GNA12: variants seen among roughly 807,000 people sequenced by gnomAD.
GNA12 encodes guanine nucleotide-binding protein subunit alpha-12.
GNA12 carries 9 observed loss-of-function variants against 26.0 expected under a neutral mutation model. That is an observed-to-expected ratio of 0.35 (90% CI 0.21 to 0.60). The LOEUF (loss-of-function observed/expected upper bound fraction) is 0.60, where lower values mean the gene tolerates loss of function less well. Among genes scored for constraint, GNA12 ranks in the 20% least tolerant of loss-of-function variants. The pLI, the probability that GNA12 is intolerant of heterozygous loss-of-function variation, is 0.78. For synonymous variants in GNA12, 264 were observed against 219.6 expected (o/e 1.20, Z -1.79); for missense variants, 405 against 525.8 (o/e 0.77, Z 2.25).
At chr7:2,758,672 C>G (rs1791414670) in intron 2 of GNA12, among the ~76,000 whole-genome samples, 1 of 152,144 alleles carries the variant, frequency 6.6e-6, no homozygotes, top group Non-Finnish European at 1.5e-5. Context: ...TGGAGGAACC[C>G]CTGTGCTAGA....
chr7:2,823,029 G>T (rs1265495494), intron 1 of GNA12, among the ~76,000 whole-genome samples: 1 of 152,138 alleles, frequency 6.6e-6, no homozygotes, highest in African/African-American at 2.4e-5. Context: ...GTCTTTCAGG[G>T]ACATTACAGT....
chr7:2,825,658 T>G (rs1446340127), intron 1 of GNA12, among the ~76,000 whole-genome samples: 1 of 152,136 alleles, frequency 6.6e-6, no homozygotes, highest in Non-Finnish European at 1.5e-5. Context: ...CCGCTATAGT[T>G]TTGTAAACAG....
chr7:2,750,444 G>T lies in GNA12; in HGVS notation c.526-16943C>A, dbSNP rs1322427723. On this transcript the variant is annotated intron_variant, in intron 2 of 3. Coordinates refer to ENST00000275364, the MANE Select transcript of GNA12 (RefSeq NM_007353.3). ...GACACATGCTGAGACCTCAGTGGATGCCTGAAGCCTTGAATAATACCCAAC... is the reference window on the plus strand; with the variant it reads ...GACACATGCTGAGACCTCAGTGGATTCCTGAAGCCTTGAATAATACCCAAC... 2.0e-5 allele frequency among the ~76,000 whole-genome samples: 3 copies of T among 152,210 alleles called. No homozygotes were observed. In the East Asian group the frequency reaches 5.8e-4, roughly 29 times the overall value.
intron 2 of GNA12, among the ~76,000 whole-genome samples, chr7:2,761,509 G>A (rs1489761469): frequency 6.6e-6 from 1 of 152,200 alleles, no homozygotes; most frequent in African/African-American, 2.4e-5. Context: ...ATGCAATTCA[G>A]GATGACTAAA....
chr7:2,768,675 AAC>A (rs67530250), intron 2 of GNA12, among the ~76,000 whole-genome samples: 33,627 of 141,390 alleles, frequency 0.24, 3,882 homozygotes, highest in Non-Finnish European at 0.29. Flanking sequence ...GTAAAAAAAA[AAC>A]AAAACAAAAC....
intron 1 of GNA12, among the ~76,000 whole-genome samples, chr7:2,822,307 G>C (rs1215141838): frequency 6.6e-6 from 1 of 152,172 alleles, no homozygotes; most frequent in Non-Finnish European, 1.5e-5. Flanking sequence ...AGAATTCAGA[G>C]ATCTACCTAC....
chr7:2,825,355 C>T (rs780105389), intron 1 of GNA12, among the ~76,000 whole-genome samples: 169 of 152,204 alleles, frequency 1.1e-3, no homozygotes, highest in Non-Finnish European at 1.4e-3. Context: ...ATACAGGTCA[C>T]CCCAAGAGCA....
intron 2 of GNA12, among the ~76,000 whole-genome samples, chr7:2,755,328 T>C (rs907199388): frequency 6.6e-6 from 1 of 152,244 alleles, no homozygotes; most frequent in African/African-American, 2.4e-5. Context: ...TTGTGTCAAA[T>C]CTGTGTATCA....
intron 1 of GNA12, among the ~76,000 whole-genome samples, chr7:2,841,725 C>G (rs1778993312): frequency 6.6e-6 from 1 of 152,200 alleles, no homozygotes; most frequent in South Asian, 2.1e-4. Flanking sequence ...GGCCAGGATT[C>G]CAGCACAGAG....
intron 2 of GNA12, among the ~76,000 whole-genome samples, chr7:2,764,204 C>G (rs560023198): frequency 2.5e-4 from 38 of 151,408 alleles, no homozygotes; most frequent in Middle Eastern, 3.5e-3. Flanking sequence ...TCCTGAGTAG[C>G]TGGGACCACG....
chr7:2,780,090 AT>A (rs1792190651), intron 2 of GNA12, among the ~76,000 whole-genome samples: 2 of 120,448 alleles, frequency 1.7e-5, no homozygotes, highest in East Asian at 2.6e-4. Flanking sequence ...ATATATATAT[AT>A]ATGCCTGTTT....
Position 2,728,659 on chromosome 7 carries a change from G to A in GNA12, c.*2522C>T, listed in dbSNP as rs542965388. The A allele has an allele frequency of 6.6e-6, 1 of 152,650 alleles. No individual in the cohort carries two copies. Among genetic ancestry groups the A allele is most frequent in the East Asian group, 1.9e-4 (1 of 5,326 alleles). The allele number at this position is 152,650 out of a possible 1,614,324, so 9.5% of individuals were successfully genotyped here. The stretch of plus-strand genomic sequence containing the variant: ...ATAAAAAAGACAATAAGGATTAACA[G>A]TGAAATTAAAATTAAAAAATACAAA... On this transcript the variant is annotated 3_prime_UTR_variant, in exon 4 of 4. Coordinates refer to ENST00000275364, the MANE Select transcript of GNA12 (RefSeq NM_007353.3).
intron 1 of GNA12, among the ~76,000 whole-genome samples, chr7:2,800,414 C>T (rs1792781013): frequency 6.6e-6 from 1 of 152,102 alleles, no homozygotes; most frequent in African/African-American, 2.4e-5. Context: ...CAGAAACCTA[C>T]ACAGGTGAGG....
intron 1 of GNA12, among the ~76,000 whole-genome samples, chr7:2,825,228 G>T (rs1793457186): frequency 6.6e-6 from 1 of 152,214 alleles, no homozygotes. Flanking sequence ...CCTGGGGCGT[G>T]GGAGGGGAGA....
At chr7:2,789,904 T>G (rs778628712) in intron 2 of GNA12, among the ~76,000 whole-genome samples, 1 of 152,202 alleles carries the variant, frequency 6.6e-6, no homozygotes, top group South Asian at 2.1e-4. Flanking sequence ...TAGCTCACAG[T>G]GCACATAAAG....
chr7:2,823,457 C>A (rs1458110860), intron 1 of GNA12, among the ~76,000 whole-genome samples: 1 of 152,144 alleles, frequency 6.6e-6, no homozygotes, highest in African/African-American at 2.4e-5. Context: ...TAAGGAAGAA[C>A]AAATGAGAAC....
intron 1 of GNA12, among the ~76,000 whole-genome samples, chr7:2,828,589 G>A (rs1231998120): frequency 1.3e-5 from 2 of 152,250 alleles, no homozygotes; most frequent in Non-Finnish European, 1.5e-5. Context: ...CTGGCTGCAG[G>A]TGGCTGCCCC....
intron 1 of GNA12, among the ~76,000 whole-genome samples, chr7:2,812,482 A>C (rs922838262): frequency 6.6e-6 from 1 of 152,112 alleles, no homozygotes; most frequent in African/African-American, 2.4e-5. Context: ...ATACAAAATT[A>C]GCTGGGTGTG....
At chr7:2,837,007 G>A (rs1387300137) in intron 1 of GNA12, among the ~76,000 whole-genome samples, 1 of 152,200 alleles carries the variant, frequency 6.6e-6, no homozygotes. Flanking sequence ...GTGGAATTGA[G>A]GGGGAAATTG....
Sources: allele counts gnomAD v4.1 joint callset (sites outside exome capture counted in the v4.1 genomes callset), GRCh38; gene constraint gnomAD v4.1.1; transcripts MANE v1.5; gene names NCBI Gene and HGNC (gene_info 2026-07-23, HGNC 2026-07-21).